TRRAP: variants seen among roughly 807,000 people sequenced by gnomAD.
TRRAP encodes the protein transformation/transcription domain-associated protein.
TRRAP carries 41 observed loss-of-function variants against 438.8 expected under a neutral mutation model. The observed-to-expected ratio is 0.09, with a 90% CI of 0.07 to 0.12. The LOEUF is 0.12. Among genes scored for constraint, TRRAP ranks in the 10% least tolerant of loss-of-function variants. TRRAP has a pLI of 1.00. For missense variants in TRRAP, 3,122 were observed against 5,055.1 expected, an observed-to-expected ratio of 0.62 and a Z score of 11.60; for synonymous variants, 1,994 against 1,962.9, an observed-to-expected ratio of 1.02 and a Z score of -0.42.
At position 98,962,308 on chromosome 7, in the gene TRRAP, C is replaced by G. The variant is rs1473260253; in HGVS notation, c.6710C>G (p.Ser2237Cys). ...GGTCCCTGCCCTGTTGTAGGTACTTCCAGTGTGGCCTCCAAATATGAAGAG... is the reference window on the plus strand; with the variant it reads ...GGTCCCTGCCCTGTTGTAGGTACTTGCAGTGTGGCCTCCAAATATGAAGAG... Reference protein sequence around the residue: ...MSIFPTEPSTSSVASKYEELE... With the variant: ...MSIFPTEPSTCSVASKYEELE... The change falls in exon 47 of 73, where the codon TCC becomes TGC. Residue 2237 changes from serine to cysteine, a missense_variant. By Grantham distance (112) the Ser-to-Cys change is moderately radical. This residue lies in a region of TRRAP where 992 missense variants were observed against 1,281.2 expected (regional missense o/e 0.77). Coordinates refer to ENST00000456197, the MANE Select transcript of TRRAP (RefSeq NM_001375524.1). 6.8e-6 allele frequency: 11 copies of G among 1,614,068 alleles called. No homozygotes were observed. Among genetic ancestry groups the G allele is most frequent in the Non-Finnish European group, 9.3e-6 (11 of 1,180,040 alleles).
At position 98,989,406 on chromosome 7, in the gene TRRAP, G is replaced by A. The variant is rs142059238; in HGVS notation, c.9591+440G>A. 1.5e-3 allele frequency among the ~76,000 whole-genome samples: 225 copies of A among 152,378 alleles called. 1 individual carries two copies. Among genetic ancestry groups the A allele is most frequent in the African/African-American group, 5.2e-3 (215 of 41,590 alleles). On this transcript the variant is annotated intron_variant, in intron 63 of 72. Coordinates refer to ENST00000456197, the MANE Select transcript of TRRAP (RefSeq NM_001375524.1). ...GCCCCCCAGCAGCCCTGAGCTCAGG[G>A]TGGGTGTCACCCACGTGCTCACTGA...
rs1335483180 is a variant in TRRAP, at chr7:98,949,894, C to T, written c.5135+53C>T. On this transcript the variant is annotated intron_variant, in intron 37 of 72. Transcript: ENST00000456197. ...CGGGACTGGCTCTGTCCCAAAAGCT[C>T]AGCCAGAGCCTCCTTCTACTCTGTA... 13 of 1,584,466 alleles carry T rather than the reference C, an allele frequency of 8.2e-6. No homozygotes were observed. In the African/African-American group the frequency reaches 1.3e-4, roughly 16 times the overall value.
chr7:98,988,835 A>G lies in TRRAP; in HGVS notation c.9460A>G (p.Met3154Val), dbSNP rs1332176407. 3.1e-6 allele frequency: 5 copies of G among 1,614,108 alleles called. No homozygotes were observed. Among genetic ancestry groups the G allele is most frequent in the Non-Finnish European group, 2.5e-6 (3 of 1,180,050 alleles). Residue 3154 changes from methionine (M) to valine (V), a missense_variant, in exon 63 of 73, where the codon ATG (methionine) becomes GTG (valine). Physicochemically the swap from Met to Val is conservative, Grantham distance 21. This residue lies in a region of TRRAP where 129 missense variants were observed against 279.2 expected (regional missense o/e 0.46). Transcript: ENST00000456197. Reference protein sequence around the residue: ...MHDVLVKAWAMWGDYLENIFV... With the variant: ...MHDVLVKAWAVWGDYLENIFV... Reference sequence around the variant, plus strand: ...CGATGTGCTGGTGAAAGCCTGGGCCATGTGGGGCGACTACCTGGAGAACAT... The same window carrying G: ...CGATGTGCTGGTGAAAGCCTGGGCCGTGTGGGGCGACTACCTGGAGAACAT...
chr7:98,921,935 C>G lies in TRRAP; in HGVS notation c.2805C>G (p.Leu935=). 1.2e-6 allele frequency: 2 copies of G among 1,614,230 alleles called. No individual in the cohort carries two copies. Among genetic ancestry groups the G allele is most frequent in the Non-Finnish European group, 1.7e-6 (2 of 1,180,042 alleles). Reference sequence around the variant, plus strand: ...AGTTTTCCGACTGCAAAGCTTCTCTCCAGCTCCCCATGGAGAAGGTAAGCT... The same window carrying G: ...AGTTTTCCGACTGCAAAGCTTCTCTGCAGCTCCCCATGGAGAAGGTAAGCT... ...TVEFSDCKAS[L]QLPMEKAIET... is the part of the protein sequence containing the mutation. The change falls in exon 21 of 73, where the codon CTC becomes CTG. Residue 935 remains leucine (L), a synonymous_variant. Coordinates refer to ENST00000456197, the MANE Select transcript of TRRAP (RefSeq NM_001375524.1).
rs1796882398 is a variant in TRRAP, at chr7:98,908,278, A to G, written c.1116-450A>G. On this transcript the variant is annotated intron_variant, in intron 13 of 72. Coordinates refer to ENST00000456197, the MANE Select transcript of TRRAP (RefSeq NM_001375524.1). The surrounding 1 kb of genome is among the most constrained non-coding windows in gnomAD (Gnocchi z 4.1). ...TCACTGGGGTGTCCCTGGCAGGCCC[A>G]GGATCTGGCACATGACAGGTGTCCT... Among the ~76,000 whole-genome samples the G allele has an allele frequency of 6.6e-6, 1 of 152,232 alleles. No homozygotes were observed. Among genetic ancestry groups the G allele is most frequent in the African/African-American group, 2.4e-5 (1 of 41,462 alleles).
intron 3 of TRRAP, among the ~76,000 whole-genome samples, chr7:98,884,171 G>T (rs913414095): frequency 6.6e-4 from 100 of 152,166 alleles, no homozygotes; most frequent in African/African-American, 2.3e-3. Context: ...TTGCACGCTG[G>T]CTAGGCTTGA....
chr7:98,952,277 G>A (rs1375318069), intron 39 of TRRAP, among the ~76,000 whole-genome samples: 1 of 152,142 alleles, frequency 6.6e-6, no homozygotes. Context: ...TAAAAAATCT[G>A]TCAGATGCTT....
At chr7:98,890,587 T>G (rs559418540) in intron 4 of TRRAP, 142 bp downstream of exon 4, 3 of 586,018 alleles carry the variant, frequency 5.1e-6, no homozygotes, top group Non-Finnish European at 5.8e-6. Flanking sequence ...GACCGCTGCC[T>G]CCTCAGTTAC....
intron 47 of TRRAP, among the ~76,000 whole-genome samples, chr7:98,963,563 T>TTAC (rs1792016821): frequency 6.6e-6 from 1 of 152,104 alleles, no homozygotes; most frequent in Admixed American, 6.5e-5. Flanking sequence ...ATCTGGGGTG[T>TTAC]AGTCTCAGCC....
intron 52 of TRRAP, among the ~76,000 whole-genome samples, chr7:98,971,123 A>G (rs1280416763): frequency 6.6e-6 from 1 of 152,088 alleles, no homozygotes. Flanking sequence ...CATGTGCAGG[A>G]TGTCTACTCA....
At chr7:98,954,268 C>T (rs782673822) in intron 40 of TRRAP, among the ~76,000 whole-genome samples, 9 of 152,354 alleles carry the variant, frequency 5.9e-5, no homozygotes, top group Admixed American at 3.3e-4. Flanking sequence ...TTGTTTCTTC[C>T]GCTCACACGG....
At chr7:98,992,344 C>G (rs2116804240) in intron 65 of TRRAP, 117 bp downstream of exon 65, 1 of 1,040,808 alleles carries the variant, frequency 9.6e-7, no homozygotes, top group Non-Finnish European at 1.5e-6. Flanking sequence ...ATAGCCGTGG[C>G]CAATCTCTCC....
chr7:98,995,201 A>G (rs984156566), intron 67 of TRRAP, among the ~76,000 whole-genome samples: 1 of 152,054 alleles, frequency 6.6e-6, no homozygotes, highest in African/African-American at 2.4e-5. Flanking sequence ...GTTAGTGTGA[A>G]CCAGTAGGAG....
Position 98,906,722 on chromosome 7 carries a change from T to C in TRRAP, c.1115+467T>C, listed in dbSNP as rs532057568. On this transcript the variant is annotated intron_variant, in intron 13 of 72. Coordinates refer to ENST00000456197, the MANE Select transcript of TRRAP (RefSeq NM_001375524.1). ...TGCTGGGATTACAGGCGTGAGGTAC[T>C]GTGCCCAGCCAAGAATTGCAGGATT... is the stretch of plus-strand genomic sequence containing the variant. 3.3e-5 allele frequency among the ~76,000 whole-genome samples: 5 copies of C among 152,208 alleles called. No individual in the cohort carries two copies. In the South Asian group the frequency reaches 1.0e-3, roughly 32 times the overall value.
At position 98,992,560 on chromosome 7, in the gene TRRAP, C is replaced by CATGT. The variant is rs1554428059; in HGVS notation, c.9847+333_9847+334insATGT. Reference sequence around the variant, plus strand: ...CCAATACACAGCAGATGCCAGCTGCCGTGTGTGTGTGTGTGTGTGTGTGTG... The same window carrying CATGT: ...CCAATACACAGCAGATGCCAGCTGCCATGTGTGTGTGTGTGTGTGTGTGTGTGTG... On this transcript the variant is annotated intron_variant, in intron 65 of 72. Transcript: ENST00000456197. Among the ~76,000 whole-genome samples the CATGT allele has an allele frequency of 5.3e-3, 786 of 149,216 alleles. 4 individuals are homozygous for CATGT. The highest frequency in any genetic ancestry group is 0.019 in the African/African-American group (750 of 40,516).
rs2116411498 is a variant in TRRAP, at chr7:98,911,090, G to A, written c.1826G>A (p.Gly609Glu). The change falls in exon 17 of 73, where the codon GGA becomes GAA. Residue 609 changes from glycine (G) to glutamate (E), a missense_variant. This residue lies in a region of TRRAP where 149 missense variants were observed against 302.8 expected (regional missense o/e 0.49). Coordinates refer to ENST00000456197, the MANE Select transcript of TRRAP (RefSeq NM_001375524.1). ...ALDIYQVQIA[G>E]NGQTYIRVAN... is the part of the protein sequence containing the mutation. The stretch of plus-strand genomic sequence containing the variant: ...CCCCTGTATTAGGTCCAGATAGCAG[G>A]AAATGGACAGACATACATCCGTGTG... 6.2e-7 allele frequency: 1 copy of A among 1,613,962 alleles called. No individual in the cohort carries two copies. Among genetic ancestry groups the A allele is most frequent in the South Asian group, 1.1e-5 (1 of 91,044 alleles).
In TRRAP at chr7:98,971,849, C is replaced by T; in HGVS notation, c.7743C>T (p.Pro2581=). The change falls in exon 53 of 73, where the codon CCC becomes CCT. Residue 2581 remains proline (P), a synonymous_variant. Transcript: ENST00000456197. ...ELAPGDQTST[P]KTKELSEKDI... ...CTCCTGGGGATCAGACCAGCACGCC[C>T]AAAACCAAAGAACTTTCAGAAAAGG... is the stretch of plus-strand genomic sequence containing the variant. 6.2e-7 allele frequency: 1 copy of T among 1,614,122 alleles called. No homozygotes were observed. Among genetic ancestry groups the T allele is most frequent in the Non-Finnish European group, 8.5e-7 (1 of 1,180,032 alleles).
chr7:99,011,222 T>A lies in TRRAP; in HGVS notation c.11109T>A (p.Asn3703Lys). 6.2e-7 allele frequency: 1 copy of A among 1,614,212 alleles called. No homozygotes were observed. The highest frequency in any genetic ancestry group is 8.5e-7 in the Non-Finnish European group (1 of 1,180,036). ...IGFAEFVLHL[N>K]RLNPEMLQIA... ...TCGCGGAATTCGTCCTGCATTTAAA[T>A]AGACTCAACCCCGAGATGTTACAGA... Residue 3703 changes from asparagine to lysine, a missense_variant, in exon 71 of 73, where the codon AAT becomes AAA. By Grantham distance (94) the Asn-to-Lys change is moderately conservative. This residue lies in a region of TRRAP where 192 missense variants were observed against 355.6 expected (regional missense o/e 0.54). Coordinates refer to ENST00000456197, the MANE Select transcript of TRRAP (RefSeq NM_001375524.1). This position sits in a 1 kb window ranked among gnomAD's most constrained non-coding sequence, Gnocchi z 7.1.
Position 98,897,746 on chromosome 7 carries a change from C to G in TRRAP, c.513C>G (p.Arg171=), listed in dbSNP as rs1554405995. The part of the protein sequence containing the change: ...IYKELPKVVN[R]YFENPQVIPE... ...TTTTTATGACTTTTATGTAGAACCG[C>G]TACTTTGAGAACCCTCAAGTGATCC... Residue 171 remains arginine (R), a synonymous_variant, in exon 8 of 73, where the codon CGC becomes CGG. Coordinates refer to ENST00000456197, the MANE Select transcript of TRRAP (RefSeq NM_001375524.1). The G allele has an allele frequency of 6.2e-7, 1 of 1,613,210 alleles. No homozygotes were observed. Among genetic ancestry groups the G allele is most frequent in the African/African-American group, 1.3e-5 (1 of 74,716 alleles).
Sources: allele counts gnomAD v4.1 joint callset (sites outside exome capture counted in the v4.1 genomes callset), GRCh38; gene constraint gnomAD v4.1.1; regional missense constraint gnomAD v4.1.1; non-coding constraint Gnocchi (gnomAD v3.1); transcripts MANE v1.5; gene names NCBI Gene and HGNC (gene_info 2026-07-23, HGNC 2026-07-21).